The following BCAR1 variants were observed in gnomAD, a reference collection of about 807,000 sequenced individuals.
BCAR1 encodes the protein breast cancer anti-estrogen resistance protein 1.
Under a neutral mutation model 67.6 loss-of-function variants are expected in BCAR1, and 30 were observed. The ratio of observed to expected loss-of-function variants is 0.44; its 90% CI spans 0.33 to 0.60. BCAR1 has a LOEUF of 0.60. BCAR1 is among the 20% of genes least tolerant of loss of function. The pLI, the probability that BCAR1 is intolerant of heterozygous loss-of-function variation, is 0.02. For synonymous variants in BCAR1, 626 were observed against 556.7 expected (o/e 1.12, Z -1.75); for missense variants, 1,313 against 1,222.3 (o/e 1.07, Z -1.11).
intron 1 of BCAR1, chr16:75,266,030 C>A (rs117263010): frequency 0.081 from 83,538 of 1,028,728 alleles, 3,711 homozygotes; most frequent in Non-Finnish European, 0.09. Context: ...CCGCCCCCCC[C>A]ACCGTCTCCG....
At chr16:75,233,374 A>G (rs1473838731) in intron 6 of BCAR1, among the ~76,000 whole-genome samples, 1 of 139,560 alleles carries the variant, frequency 7.2e-6, no homozygotes, top group African/African-American at 3.0e-5. Flanking sequence ...TTCTGTGTCA[A>G]AAAAAAAAAA....
chr16:75,238,718 G>A (rs953237728), intron 2 of BCAR1: 14 of 985,474 alleles, frequency 1.4e-5, no homozygotes, highest in Non-Finnish European at 1.7e-5. Context: ...TGGATTTGGC[G>A]GCTGCCTCTC....
At position 75,242,926 on chromosome 16, in the gene BCAR1, G is replaced by A; in HGVS notation, c.177C>T (p.Arg59=). 6.2e-7 allele frequency: 1 copy of A among 1,612,804 alleles called. No homozygotes were observed. Among genetic ancestry groups the A allele is most frequent in the Non-Finnish European group, 8.5e-7 (1 of 1,179,808 alleles). The part of the protein sequence containing the change: ...HGRQGIVPGN[R]LKILVGMYDK... ...CATACATGCCCACCAAGATCTTGAG[G>A]CGGTTCCCAGGCACGATGCCCTGGC... is the stretch of plus-strand genomic sequence containing the variant. Residue 59 remains arginine (R), a synonymous_variant, in exon 2 of 7, where the codon CGC becomes CGT. Coordinates refer to ENST00000162330, the MANE Select transcript of BCAR1 (RefSeq NM_014567.5).
chr16:75,265,531 C>G (rs2151486857), intron 1 of BCAR1, among the ~76,000 whole-genome samples: 1 of 152,160 alleles, frequency 6.6e-6, no homozygotes, highest in East Asian at 1.9e-4. Flanking sequence ...AGGGGTTTCC[C>G]GGGGACCAAC....
intron 6 of BCAR1, among the ~76,000 whole-genome samples, chr16:75,231,894 T>A (rs1475536545): frequency 6.6e-6 from 1 of 152,212 alleles, no homozygotes; most frequent in East Asian, 1.9e-4. Context: ...AGGTTTTTTG[T>A]TTTTGAGACG....
At chr16:75,264,729 GC>G in intron 1 of BCAR1, 1 of 1,093,300 alleles carries the variant, frequency 9.1e-7, no homozygotes, top group Non-Finnish European at 1.2e-6. Flanking sequence ...TAATGAAGAG[GC>G]CACTTGCCAG....
At chr16:75,245,078 A>AG (rs2077473125) in intron 1 of BCAR1, among the ~76,000 whole-genome samples, 1 of 152,230 alleles carries the variant, frequency 6.6e-6, no homozygotes, top group Admixed American at 6.5e-5. Context: ...CGGCAGGTCT[A>AG]GGGGCCAGAG....
chr16:75,237,613 C>A (rs1248247697), intron 2 of BCAR1, among the ~76,000 whole-genome samples: 1 of 152,216 alleles, frequency 6.6e-6, no homozygotes, highest in Admixed American at 6.5e-5. Flanking sequence ...AGCCTGCTGA[C>A]CCAGAAGGCT....
Position 75,243,768 on chromosome 16 carries a change from G to A in BCAR1, c.13-678C>T, listed in dbSNP as rs1423699160. Among the ~76,000 whole-genome samples the A allele has an allele frequency of 2.6e-5, 4 of 152,348 alleles. No individual in the cohort carries two copies. The South Asian group carries it at 8.3e-4, about 32-fold the overall frequency. ...GAGAGGGACTTGGAGGAGGCTGTGG[G>A]ATCAGAGGCATGAGTGCCGTGGCGA... On this transcript the variant is annotated intron_variant, in intron 1 of 6. Coordinates refer to ENST00000162330, the MANE Select transcript of BCAR1 (RefSeq NM_014567.5).
chr16:75,252,206 A>G, upstream of BCAR1: 1 of 1,536,446 alleles, frequency 6.5e-7, no homozygotes, highest in East Asian at 2.4e-5. Flanking sequence ...CGAGCTCTCG[A>G]CCCAGCGCTT....
At chr16:75,262,079 A>G (rs1487749282) in intron 1 of BCAR1, among the ~76,000 whole-genome samples, 1 of 152,104 alleles carries the variant, frequency 6.6e-6, no homozygotes, top group African/African-American at 2.4e-5. Context: ...CACAGAGCCA[A>G]CACTGTTCAC....
Position 75,235,593 on chromosome 16 carries a change from GTGTGCTGCC to G in BCAR1, c.1297_1305del (p.Gly433_Thr435del). The G allele has an allele frequency of 6.3e-7, 1 of 1,590,816 alleles. No individual in the cohort carries two copies. The highest frequency in any genetic ancestry group is 1.1e-5 in the South Asian group (1 of 88,690). ...AAGGAGGACGCAGACTGGCTGCTGC[GTGTGCTGCC>G]GGTGCTGGAGGCCGACAGGCGCTTG... On this transcript the variant is annotated inframe_deletion, in exon 5 of 7. Coordinates refer to ENST00000162330, the MANE Select transcript of BCAR1 (RefSeq NM_014567.5).
intron 2 of BCAR1, chr16:75,238,149 C>T (rs2077208782): frequency 7.8e-7 from 1 of 1,282,058 alleles, no homozygotes; most frequent in African/African-American, 1.5e-5. Context: ...GCAGGCAGCA[C>T]AATGGCCTGC....
chr16:75,236,270 G>A, intron 4 of BCAR1: 1 of 495,996 alleles, frequency 2.0e-6, no homozygotes. Flanking sequence ...CCCTGTGCCT[G>A]AAGGTGGGAG....
intron 2 of BCAR1, among the ~76,000 whole-genome samples, chr16:75,237,731 G>T (rs537164215): frequency 2.0e-5 from 3 of 152,292 alleles, no homozygotes; most frequent in Admixed American, 6.5e-5. Context: ...TTACTGGGGC[G>T]CCTAGCCCCA....
At chr16:75,238,408 C>T (rs1048208768) in intron 2 of BCAR1, 5 of 1,064,268 alleles carry the variant, frequency 4.7e-6, no homozygotes, top group East Asian at 1.1e-4. Flanking sequence ...AGGGCCTCCC[C>T]GCACATCCCC....
At chr16:75,233,968 C>T (rs1316199856) in intron 5 of BCAR1, 33 bp from the exon 6 acceptor site, 11 of 1,565,388 alleles carry the variant, frequency 7.0e-6, no homozygotes, top group Non-Finnish European at 9.6e-6. Context: ...GCGCTGAGGC[C>T]AGTTTTCTGA....
Position 75,234,913 on chromosome 16 carries a change from C to A in BCAR1, c.1986G>T (p.Glu662Asp). The change falls in exon 5 of 7, where the codon GAG becomes GAT. Residue 662 changes from glutamate to aspartate, a missense_variant. Transcript: ENST00000162330. ...QYENSEGGWM[E>D]DYDYVHLQGK... ...CCTGTAGGTGGACGTAGTCATAGTCCTCCATCCAGCCCCCCTCGCTGTTCT... is the reference window on the plus strand; with the variant it reads ...CCTGTAGGTGGACGTAGTCATAGTCATCCATCCAGCCCCCCTCGCTGTTCT... 1 of 1,544,696 alleles carries A rather than the reference C, an allele frequency of 6.5e-7. No homozygotes were observed.
chr16:75,233,787 G>A, intron 6 of BCAR1, 59 bp downstream of exon 6: 2 of 1,517,082 alleles, frequency 1.3e-6, no homozygotes, highest in Middle Eastern at 2.0e-4. Flanking sequence ...CAGGGCAAGA[G>A]CTGGGGGCTC....
Sources: allele counts gnomAD v4.1 joint callset (sites outside exome capture counted in the v4.1 genomes callset), GRCh38; gene constraint gnomAD v4.1.1; transcripts MANE v1.5; gene names NCBI Gene and HGNC (gene_info 2026-07-23, HGNC 2026-07-21).